The following TRDN variants were observed in gnomAD, a reference collection of about 807,000 sequenced individuals.
The protein encoded by TRDN is triadin in skeletal muscle.
Under a neutral mutation model 149.7 loss-of-function variants are expected in TRDN, and 161 were observed. The ratio of observed to expected loss-of-function variants is 1.08; its 90% confidence interval spans 0.95 to 1.23. The LOEUF is 1.23. TRDN is among the 50% of genes most tolerant of loss of function. The pLI is 0.00. For missense variants in TRDN, 896 were observed against 823.5 expected (o/e 1.09, Z -1.08); for synonymous variants, 294 against 250.5 (o/e 1.17, Z -1.64).
At chr6:123,425,901 C>G (rs1403657732) in intron 12 of TRDN, among the ~76,000 whole-genome samples, 2 of 151,932 alleles carry the variant, frequency 1.3e-5, no homozygotes, top group East Asian at 3.9e-4. Flanking sequence ...ATCTATCTAT[C>G]TATCTATCAT....
At chr6:123,348,156 G>C (rs1483742215) in intron 21 of TRDN, among the ~76,000 whole-genome samples, 1 of 151,934 alleles carries the variant, frequency 6.6e-6, no homozygotes, top group Non-Finnish European at 1.5e-5. Context: ...CTACTACTTT[G>C]ACATTCCAAG....
rs190221481 is a variant in TRDN at position 123,388,402 on chromosome 6, T to C, written c.1135+120A>G. 22 of 1,131,838 alleles carry C rather than the reference T, an allele frequency of 1.9e-5. No homozygotes were observed. The East Asian group carries it at 2.3e-4, about 12-fold the overall frequency. The allele number at this position is 1,131,838 out of a possible 1,614,324, so 70.1% of individuals were successfully genotyped here. On this transcript the variant is annotated intron_variant, in intron 14 of 40. Transcript: ENST00000334268. ...AAAAAGCACATTCATGCAAAATGTA[T>C]GCACATAATAGATCCAGTTATCCAA...
In TRDN at chr6:123,483,188, C is replaced by T. The variant is rs909533776; in HGVS notation, c.853+14005G>A. 1.6e-4 allele frequency among the ~76,000 whole-genome samples: 24 copies of T among 151,204 alleles called. No individual in the cohort carries two copies. The South Asian group carries it at 1.7e-3, about 11-fold the overall frequency. The stretch of plus-strand genomic sequence containing the variant: ...CACGATCTCGGCTCACTACAAGCTC[C>T]GCCTCCCAGGTTCACGCCATTCTCC... On this transcript the variant is annotated intron_variant, in intron 9 of 40. Coordinates refer to ENST00000334268, the MANE Select transcript of TRDN (RefSeq NM_006073.4).
At chr6:123,333,937 C>T (rs1779762035) in intron 22 of TRDN, among the ~76,000 whole-genome samples, 1 of 151,988 alleles carries the variant, frequency 6.6e-6, no homozygotes, top group Admixed American at 6.6e-5. Flanking sequence ...AAGTGGAACT[C>T]TGTCAAAATT....
chr6:123,615,613 C>T (rs981761784), intron 1 of TRDN, among the ~76,000 whole-genome samples: 3 of 152,104 alleles, frequency 2.0e-5, no homozygotes, highest in East Asian at 3.9e-4. Context: ...TTCACAGCAA[C>T]GTGGATGAGC....
chr6:123,498,012 A>G (rs1435559804), intron 8 of TRDN, among the ~76,000 whole-genome samples: 1 of 152,122 alleles, frequency 6.6e-6, no homozygotes, highest in Non-Finnish European at 1.5e-5. Context: ...GATTAAAGAC[A>G]TTGCACTTAA....
intron 7 of TRDN, among the ~76,000 whole-genome samples, chr6:123,509,164 G>A (rs781672730): frequency 4.0e-5 from 6 of 151,718 alleles, no homozygotes; most frequent in Non-Finnish European, 5.9e-5. Flanking sequence ...ACATATATAT[G>A]TATGTTTGTG....
intron 23 of TRDN, among the ~76,000 whole-genome samples, chr6:123,328,476 T>A (rs1779543153): frequency 6.6e-6 from 1 of 152,178 alleles, no homozygotes; most frequent in Non-Finnish European, 1.5e-5. Context: ...ATTGTGGTTG[T>A]TGCCGTTTTT....
intron 5 of TRDN, among the ~76,000 whole-genome samples, chr6:123,517,282 A>G (rs1272340730): frequency 6.6e-6 from 1 of 152,136 alleles, no homozygotes; most frequent in Non-Finnish European, 1.5e-5. Flanking sequence ...AGGAGGGAAA[A>G]GGGGAAGAGA....
chr6:123,534,626 C>G (rs1340064911), intron 4 of TRDN, among the ~76,000 whole-genome samples: 1 of 152,086 alleles, frequency 6.6e-6, no homozygotes, highest in Non-Finnish European at 1.5e-5. Context: ...CCAGCTAAGG[C>G]TATATTTGTA....
intron 12 of TRDN, among the ~76,000 whole-genome samples, chr6:123,426,230 A>AG (rs1458073852): frequency 2.6e-5 from 4 of 152,100 alleles, no homozygotes; most frequent in African/African-American, 9.7e-5. Flanking sequence ...TTATTTTCTG[A>AG]GAAAAAAAGG....
chr6:123,232,851 T>C (rs539257764), intron 38 of TRDN, among the ~76,000 whole-genome samples: 51 of 152,198 alleles, frequency 3.4e-4, no homozygotes, highest in Non-Finnish European at 4.4e-5. Flanking sequence ...GTCTGCTCTA[T>C]ATGCTCTTAG....
At chr6:123,445,249 G>A (rs981099367) in intron 10 of TRDN, 8 of 152,106 alleles carry the variant, frequency 5.3e-5, no homozygotes, top group African/African-American at 1.9e-4. Flanking sequence ...TTAGTCTTGG[G>A]AGAGTGTATG....
At chr6:123,508,589 C>T (rs1013189681) in intron 7 of TRDN, among the ~76,000 whole-genome samples, 9 of 152,142 alleles carry the variant, frequency 5.9e-5, no homozygotes, top group Admixed American at 4.6e-4. Flanking sequence ...TCTTTTTCTT[C>T]TACCTTGTCT....
rs11966668 is a variant in TRDN, at chr6:123,259,788, T to G, written c.1832-126A>C. The G allele has an allele frequency of 0.012, 7,351 of 633,684 alleles. 247 individuals carry two copies. Among genetic ancestry groups the G allele is most frequent in the South Asian group, 0.07 (3,189 of 45,636 alleles). 39.3% of individuals were successfully genotyped at this position (633,684 alleles called of 1,614,324 possible). ...GTGGAGGGAGTCAGGGCTCTCTCAT[T>G]TCATTTTTGTTATGCTTGGTCATTC... On this transcript the variant is annotated intron_variant, in intron 34 of 40. Transcript: ENST00000334268.
At chr6:123,265,127 C>T (rs1427378954) in intron 33 of TRDN, among the ~76,000 whole-genome samples, 191 bp downstream of exon 33, 1 of 151,928 alleles carries the variant, frequency 6.6e-6, no homozygotes, top group African/African-American at 2.4e-5. Context: ...TTTAGTTGTG[C>T]TTTTTGTCTC....
intron 2 of TRDN, among the ~76,000 whole-genome samples, chr6:123,559,083 C>T (rs1316629486): frequency 6.6e-6 from 1 of 152,248 alleles, no homozygotes; most frequent in Non-Finnish European, 1.5e-5. Context: ...CTTCCCAGAT[C>T]TTCTTGGCTT....
intron 1 of TRDN, among the ~76,000 whole-genome samples, chr6:123,571,662 A>G (rs1264612517): frequency 1.3e-5 from 2 of 152,094 alleles, no homozygotes; most frequent in East Asian, 3.9e-4. Context: ...AGATAAGCAG[A>G]TAGTTTTAAT....
chr6:123,488,274 T>C (rs544802705), intron 9 of TRDN, among the ~76,000 whole-genome samples: 8 of 152,226 alleles, frequency 5.3e-5, no homozygotes, highest in South Asian at 2.1e-4. Context: ...GAGATAAGTA[T>C]GCAAAAAAAT....
Sources: gnomAD v4.1 joint callset for allele counts (sites outside exome capture counted in the v4.1 genomes callset) on GRCh38, gnomAD v4.1.1 for gene constraint, MANE v1.5 for transcripts, NCBI Gene and HGNC (gene_info 2026-07-23, HGNC 2026-07-21) for gene names.